CCDC80: variants seen among roughly 807,000 people sequenced by gnomAD.
CCDC80 encodes the protein coiled-coil domain-containing protein 80.
Under a neutral mutation model 78.7 loss-of-function variants are expected in CCDC80, and 49 were observed. The observed-to-expected ratio is 0.62, with a 90% CI of 0.50 to 0.79. CCDC80 has a LOEUF of 0.79. CCDC80 is among the 30% of genes least tolerant of loss of function. The probability of loss-of-function intolerance (pLI) is 0.00; values close to 1 mark genes in which losing one functional copy is unlikely to be tolerated. For missense variants in CCDC80, 1,205 were observed against 1,198.6 expected (o/e 1.01, Z -0.08); for synonymous variants, 488 against 447.0 (o/e 1.09, Z -1.16).
chr3:112,607,190 A>C lies in CCDC80; in HGVS notation c.2492T>G (p.Leu831Arg). Residue 831 changes from leucine to arginine, a missense_variant, in exon 7 of 8, where the codon CTG (leucine) becomes CGG (arginine). Leu to Arg is a moderately radical substitution (Grantham distance 102, BLOSUM62 -2). Transcript: ENST00000206423. Reference protein sequence around the residue: ...VGEEVGGVLELFPINGSSVVE... With the variant: ...VGEEVGGVLERFPINGSSVVE... ...CAACACATTACCATTAATTGGGAAC[A>C]GTTCTAACACTCCCCCAACTTCCTC... 1 of 1,612,410 alleles carries C rather than the reference A, an allele frequency of 6.2e-7. No individual in the cohort carries two copies. The highest frequency in any genetic ancestry group is 8.5e-7 in the Non-Finnish European group (1 of 1,178,710).
intron 2 of CCDC80, among the ~76,000 whole-genome samples, chr3:112,636,894 T>C (rs1275912788): frequency 6.6e-6 from 1 of 152,178 alleles, no homozygotes; most frequent in East Asian, 1.9e-4. Context: ...AACAATATCC[T>C]TTTCCTCCTT....
Position 112,639,524 on chromosome 3 carries a change from T to C in CCDC80, c.382A>G (p.Arg128Gly), listed in dbSNP as rs775097564. Residue 128 changes from arginine (R) to glycine (G), a missense_variant, in exon 2 of 8, where the codon AGA becomes GGA. Coordinates refer to ENST00000206423, the MANE Select transcript of CCDC80 (RefSeq NM_199511.3). ...GACCCCGAAGGGAAACGCAACATTC[T>C]TGACCGAGCTGAGGACCCCTCATCT... The part of the protein sequence containing the change: ...IRDEGSSARS[R>G]MLRFPSGSSS... 6.2e-7 allele frequency: 1 copy of C among 1,614,200 alleles called. No individual in the cohort carries two copies. The highest frequency in any genetic ancestry group is 1.7e-5 in the Admixed American group (1 of 60,020).
At position 112,638,063 on chromosome 3, in the gene CCDC80, G is replaced by T; in HGVS notation, c.1843C>A (p.Leu615Met). Residue 615 changes from leucine (L) to methionine (M), a missense_variant, in exon 2 of 8, where the codon CTG (leucine) becomes ATG (methionine). Coordinates refer to ENST00000206423, the MANE Select transcript of CCDC80 (RefSeq NM_199511.3). ...TQSPKKSVAD[L>M]LGSFEGKRRL... ...CGTTTGCCTTCAAAGGACCCCAGCA[G>T]GTCGGCCACTGACTTCTTGGGACTC... 6.2e-7 allele frequency: 1 copy of T among 1,609,410 alleles called. No homozygotes were observed. Among genetic ancestry groups the T allele is most frequent in the South Asian group, 1.1e-5 (1 of 89,624 alleles).
rs774795718 is a variant in CCDC80, at chr3:112,639,392, T to C, written c.514A>G (p.Lys172Glu). The C allele has an allele frequency of 3.7e-6, 6 of 1,614,136 alleles. No homozygotes were observed. Among genetic ancestry groups the C allele is most frequent in the Non-Finnish European group, 5.1e-6 (6 of 1,180,024 alleles). ...GYYRLMMSLLKDDVYCELAER... is the reference protein window; with the variant it reads ...GYYRLMMSLLEDDVYCELAER... ...GCCAGCTCACAGTACACATCGTCCT[T>C]CAGCAGGCTCATCATGAGGCGGTAG... Residue 172 changes from lysine (K) to glutamate (E), a missense_variant, in exon 2 of 8, where the codon AAG becomes GAG. Lys to Glu is a moderately conservative substitution (Grantham distance 56). Transcript: ENST00000206423.
intron 2 of CCDC80, among the ~76,000 whole-genome samples, chr3:112,632,640 C>T (rs1014798016): frequency 6.6e-6 from 1 of 152,180 alleles, no homozygotes; most frequent in African/African-American, 2.4e-5. Flanking sequence ...ACCTTATCCT[C>T]CCCTGTGTGG....
rs747768899 is a variant in CCDC80 at position 112,639,801 on chromosome 3, TC to T, written c.104del (p.Gly35AspfsTer18). The T allele has an allele frequency of 5.6e-6, 9 of 1,613,998 alleles. No homozygotes were observed. In the Admixed American group the frequency reaches 1.5e-4, roughly 27 times the overall value. ...PHATIRGSHG[G>X]RKVPLVSPDS... ...CCGGAGAAACCAAAGGCACTTTCCG[TC>T]CTCCGTGGCTGCCTCTAATAGTGGC... On this transcript the variant is annotated frameshift_variant, in exon 2 of 8. Coordinates refer to ENST00000206423, the MANE Select transcript of CCDC80 (RefSeq NM_199511.3). LOFTEE classifies it high-confidence loss of function.
intron 5 of CCDC80, among the ~76,000 whole-genome samples, chr3:112,614,546 C>T (rs535387237): frequency 6.6e-6 from 1 of 151,312 alleles, no homozygotes; most frequent in South Asian, 2.1e-4. Flanking sequence ...TCCCGTGAAG[C>T]TCAGAGCCCT....
rs1935814587 is a variant in CCDC80 at position 112,619,214 on chromosome 3, T to C, written c.2036-110A>G. ...ATCACACCAGCCTTCATTAGTTTTATATATTCAACTCACGTTGTGTTTGAA... is the reference window on the plus strand; with the variant it reads ...ATCACACCAGCCTTCATTAGTTTTACATATTCAACTCACGTTGTGTTTGAA... On this transcript the variant is annotated intron_variant, in intron 3 of 7. Coordinates refer to ENST00000206423, the MANE Select transcript of CCDC80 (RefSeq NM_199511.3). 6 of 984,992 alleles carry C rather than the reference T, an allele frequency of 6.1e-6. No individual in the cohort carries two copies. The Admixed American group carries it at 1.4e-4, about 23-fold the overall frequency. 61.0% of individuals were successfully genotyped at this position (984,992 alleles called of 1,614,324 possible).
At chr3:112,625,086 G>T (rs1935939227) in intron 3 of CCDC80, among the ~76,000 whole-genome samples, 1 of 152,024 alleles carries the variant, frequency 6.6e-6, no homozygotes, top group Non-Finnish European at 1.5e-5. Flanking sequence ...AGATGACAAC[G>T]CAATAGAAAA....
intron 2 of CCDC80, among the ~76,000 whole-genome samples, chr3:112,632,585 C>G (rs1170372278): frequency 3.3e-5 from 5 of 152,132 alleles, no homozygotes; most frequent in Admixed American, 1.3e-4. Context: ...AGTCTTCTCC[C>G]CCTTGTGTAT....
intron 3 of CCDC80, among the ~76,000 whole-genome samples, chr3:112,626,958 T>C (rs1194550358): frequency 1.3e-5 from 2 of 152,220 alleles, no homozygotes; most frequent in African/African-American, 4.8e-5. Flanking sequence ...CTACCTCTCT[T>C]GATTACCCTC....
chr3:112,610,915 C>CTT (rs11379147), intron 5 of CCDC80, among the ~76,000 whole-genome samples: 4,511 of 123,244 alleles, frequency 0.037, 221 homozygotes, highest in South Asian at 0.12. Flanking sequence ...TTCTTTCTTT[C>CTT]TTTTTTTTTT....
At position 112,630,170 on chromosome 3, in the gene CCDC80, TCA is replaced by T; in HGVS notation, c.1976_1977del (p.Val659AspfsTer21). The stretch of plus-strand genomic sequence containing the variant: ...TTGTTGACAGGGCCGAAGATGGTGA[TCA>T]CAGAGATTTTCCTGGTAGCCATCTT... The part of the protein sequence containing the change: ...FCKMATRKIS[V>X]ITIFGPVNNS... On this transcript the variant is annotated frameshift_variant, in exon 3 of 8. Coordinates refer to ENST00000206423, the MANE Select transcript of CCDC80 (RefSeq NM_199511.3). LOFTEE classifies it high-confidence loss of function. 1 of 1,613,832 alleles carries T rather than the reference TCA, an allele frequency of 6.2e-7. No homozygotes were observed. Among genetic ancestry groups the T allele is most frequent in the Non-Finnish European group, 8.5e-7 (1 of 1,179,880 alleles).
chr3:112,599,138 T>G lies in CCDC80; in HGVS notation c.*6279A>C, dbSNP rs1281925744. 1 of 152,108 alleles carries G rather than the reference T, an allele frequency of 6.6e-6. No homozygotes were observed. Among genetic ancestry groups the G allele is most frequent in the Non-Finnish European group, 1.5e-5 (1 of 67,998 alleles). 9.4% of individuals were successfully genotyped at this position (152,108 alleles called of 1,614,324 possible). On this transcript the variant is annotated 3_prime_UTR_variant, in exon 8 of 8. Coordinates refer to ENST00000206423, the MANE Select transcript of CCDC80 (RefSeq NM_199511.3). ...TTTTGTAATGAGAAACTGAGGCCCATAGGTAAAACATCTCACCTCCAGTCA... is the reference window on the plus strand; with the variant it reads ...TTTTGTAATGAGAAACTGAGGCCCAGAGGTAAAACATCTCACCTCCAGTCA...
rs72942089 is a variant in CCDC80 at position 112,618,197 on chromosome 3, C to T, written c.2172+771G>A. Among the ~76,000 whole-genome samples, 674 of 152,186 alleles carry T rather than the reference C, an allele frequency of 4.4e-3. 4 individuals are homozygous for T. Among genetic ancestry groups the T allele is most frequent in the African/African-American group, 0.016 (645 of 41,526 alleles). On this transcript the variant is annotated intron_variant, in intron 4 of 7. Transcript: ENST00000206423. ...TTTTTCATGGTTCAGAACTTTTGTC[C>T]GCAAGCATAGAAAGAAACTAGGTGT... is the stretch of plus-strand genomic sequence containing the variant.
rs1427437468 is a variant in CCDC80, at chr3:112,619,017, G to GTCATTCCGTACTCTT, written c.2108_2122dup (p.Lys703_Met707dup). On this transcript the variant is annotated inframe_insertion, in exon 4 of 8. Coordinates refer to ENST00000206423, the MANE Select transcript of CCDC80 (RefSeq NM_199511.3). ...TAGCACCATGAAGAAGTCATTGTAG[G>GTCATTCCGTACTCTT]TCATTCCGTACTCTTTCCTCAGCTC... 4 of 1,613,436 alleles carry GTCATTCCGTACTCTT rather than the reference G, an allele frequency of 2.5e-6. No individual in the cohort carries two copies. The highest frequency in any genetic ancestry group is 2.5e-6 in the Non-Finnish European group (3 of 1,179,830).
At chr3:112,630,050 A>T in intron 3 of CCDC80, 63 bp downstream of exon 3, 1 of 1,496,950 alleles carries the variant, frequency 6.7e-7, no homozygotes, top group Non-Finnish European at 9.2e-7. Flanking sequence ...TACCTCTACC[A>T]TAAAGTTTGT....
In CCDC80 at chr3:112,597,503, A is replaced by T. The variant is rs1935301972; in HGVS notation, c.*7914T>A. ...TTCAATCTTGGTGAAATTTTTTTCT[A>T]TGAATTCATTACTTTTTAGTTTATT... On this transcript the variant is annotated 3_prime_UTR_variant, in exon 8 of 8. Coordinates refer to ENST00000206423, the MANE Select transcript of CCDC80 (RefSeq NM_199511.3). The T allele has an allele frequency of 6.6e-6, 1 of 152,084 alleles. No homozygotes were observed. Among genetic ancestry groups the T allele is most frequent in the Non-Finnish European group, 1.5e-5 (1 of 67,998 alleles). The allele number at this position is 152,084 out of a possible 1,614,324, so 9.4% of individuals were successfully genotyped here.
At position 112,639,144 on chromosome 3, in the gene CCDC80, C is replaced by T. The variant is rs558775922; in HGVS notation, c.762G>A (p.Leu254=). ...VEERYPYPVR[L]EAMYEVIDQG... is the part of the protein sequence containing the mutation. ...GGTCGATGACCTCGTACATGGCTTC[C>T]AGCCTAACGGGATATGGATAGCGCT... Residue 254 remains leucine (L), a synonymous_variant, in exon 2 of 8, where the codon CTG becomes CTA. Coordinates refer to ENST00000206423, the MANE Select transcript of CCDC80 (RefSeq NM_199511.3). 1.2e-6 allele frequency: 2 copies of T among 1,614,164 alleles called. No individual in the cohort carries two copies. The highest frequency in any genetic ancestry group is 2.2e-5 in the South Asian group (2 of 91,076).
Sources: allele counts gnomAD v4.1 joint callset (sites outside exome capture counted in the v4.1 genomes callset), GRCh38; gene constraint gnomAD v4.1.1; transcripts MANE v1.5; gene names NCBI Gene and HGNC (gene_info 2026-07-23, HGNC 2026-07-21).